Variants in SPAG16 observed in about 807,000 individuals in gnomAD.
SPAG16 encodes the protein sperm-associated antigen 16 protein.
SPAG16 carries 86 observed loss-of-function variants against 80.4 expected under a neutral mutation model. That is an observed-to-expected ratio of 1.07 (90% CI 0.90 to 1.28). The LOEUF is 1.28. Among genes scored for constraint, SPAG16 ranks in the 50% most tolerant of loss-of-function variants. The pLI is 0.00. For missense variants in SPAG16, 870 were observed against 765.3 expected, an observed-to-expected ratio of 1.14 and a Z score of -1.61; for synonymous variants, 294 against 265.9, an observed-to-expected ratio of 1.11 and a Z score of -1.03.
chr2:213,412,182 A>G (rs1172685332), intron 9 of SPAG16, among the ~76,000 whole-genome samples: 3 of 152,030 alleles, frequency 2.0e-5, no homozygotes, highest in African/African-American at 4.8e-5. Context: ...AACTCATTCC[A>G]ATTACCTGCT....
At chr2:213,791,714 A>G (rs1340141262) in intron 10 of SPAG16, among the ~76,000 whole-genome samples, 1 of 152,122 alleles carries the variant, frequency 6.6e-6, no homozygotes, top group Admixed American at 6.6e-5. Context: ...GTTTTCTAAA[A>G]TATATTCTTC....
intron 12 of SPAG16, among the ~76,000 whole-genome samples, chr2:214,005,464 G>A (rs572141114): frequency 6.6e-6 from 1 of 152,278 alleles, no homozygotes; most frequent in Admixed American, 6.5e-5. Flanking sequence ...TTATCATCGA[G>A]GGTTTTGGCC....
intron 7 of SPAG16, among the ~76,000 whole-genome samples, chr2:213,352,459 C>G (rs534226885): frequency 6.6e-6 from 1 of 152,112 alleles, no homozygotes; most frequent in East Asian, 1.9e-4. Context: ...TAAGCTTTTG[C>G]TACCCATCTT....
At chr2:213,909,863 G>C (rs2077587710) in intron 11 of SPAG16, among the ~76,000 whole-genome samples, 1 of 152,056 alleles carries the variant, frequency 6.6e-6, no homozygotes, top group South Asian at 2.1e-4. Context: ...CAAGGCTAAG[G>C]GTTTAAAGAA....
intron 10 of SPAG16, among the ~76,000 whole-genome samples, chr2:213,839,690 G>T (rs115909964): frequency 1.3e-5 from 2 of 152,128 alleles, no homozygotes; most frequent in Non-Finnish European, 2.9e-5. Flanking sequence ...TGACATTATT[G>T]TTGTACAGCA....
intron 10 of SPAG16, among the ~76,000 whole-genome samples, chr2:213,577,718 G>C (rs1286762503): frequency 6.6e-6 from 1 of 152,030 alleles, no homozygotes; most frequent in African/African-American, 2.4e-5. Context: ...TCAAGGTAAG[G>C]CAAGAAACAG....
chr2:214,216,988 A>AATCT (rs2058447697), intron 15 of SPAG16, among the ~76,000 whole-genome samples: 1 of 152,228 alleles, frequency 6.6e-6, no homozygotes, highest in African/African-American at 2.4e-5. Flanking sequence ...TAATTTTTAC[A>AATCT]ATCTTTTTTT....
At chr2:213,904,256 C>T (rs1200781558) in intron 11 of SPAG16, among the ~76,000 whole-genome samples, 1 of 152,120 alleles carries the variant, frequency 6.6e-6, no homozygotes, top group Non-Finnish European at 1.5e-5. Context: ...CTGATAAAGA[C>T]ATACTGGAGA....
At chr2:214,154,409 C>T (rs1254050264) in intron 15 of SPAG16, among the ~76,000 whole-genome samples, 5 of 151,934 alleles carry the variant, frequency 3.3e-5, no homozygotes, top group Non-Finnish European at 7.4e-5. Flanking sequence ...CAAAGTTTCC[C>T]AACATTATGT....
At chr2:213,434,746 C>T (rs1423899962) in intron 9 of SPAG16, among the ~76,000 whole-genome samples, 1 of 152,166 alleles carries the variant, frequency 6.6e-6, no homozygotes, top group Non-Finnish European at 1.5e-5. Flanking sequence ...ATTAAAACCA[C>T]AATGATATGT....
At chr2:214,005,582 T>A (rs905317888) in intron 12 of SPAG16, among the ~76,000 whole-genome samples, 4 of 152,180 alleles carry the variant, frequency 2.6e-5, no homozygotes, top group Non-Finnish European at 4.4e-5. Context: ...AATCTTATGG[T>A]AGAGCTTGCG....
chr2:213,335,057 T>C (rs1400203807), intron 5 of SPAG16, among the ~76,000 whole-genome samples: 2 of 152,160 alleles, frequency 1.3e-5, no homozygotes, highest in Admixed American at 6.5e-5. Flanking sequence ...ACTCCATGAA[T>C]ATATACATCT....
chr2:214,148,197 T>A (rs1232247187), intron 14 of SPAG16, among the ~76,000 whole-genome samples: 1 of 152,112 alleles, frequency 6.6e-6, no homozygotes, highest in Non-Finnish European at 1.5e-5. Flanking sequence ...TGAGAATGAG[T>A]GAAGACTATG....
intron 12 of SPAG16, among the ~76,000 whole-genome samples, chr2:213,945,243 G>A (rs962491679): frequency 6.8e-6 from 1 of 146,798 alleles, no homozygotes; most frequent in Non-Finnish European, 1.5e-5. Context: ...ATATATATGT[G>A]TATATATACA....
chr2:214,159,109 A>G (rs2056336627), intron 15 of SPAG16, among the ~76,000 whole-genome samples: 1 of 151,988 alleles, frequency 6.6e-6, no homozygotes, highest in African/African-American at 2.4e-5. Flanking sequence ...CTATGCTGGT[A>G]TGTTTGCAGA....
chr2:213,910,784 G>A (rs201269343), intron 11 of SPAG16, among the ~76,000 whole-genome samples: 1 of 29,690 alleles, frequency 3.4e-5, no homozygotes, highest in African/African-American at 5.9e-5. Context: ...CACCACGCCC[G>A]GCCAAGAATT....
At chr2:213,615,784 AC>A (rs955016521) in intron 10 of SPAG16, among the ~76,000 whole-genome samples, 1 of 152,210 alleles carries the variant, frequency 6.6e-6, no homozygotes, top group African/African-American at 2.4e-5. Context: ...AGAATGCAGG[AC>A]CAGCCTATAA....
At chr2:214,252,282 C>T (rs1438142409) in intron 15 of SPAG16, among the ~76,000 whole-genome samples, 1 of 151,382 alleles carries the variant, frequency 6.6e-6, no homozygotes, top group African/African-American at 2.4e-5. Context: ...GTAGCTCTAA[C>T]TTTGTTTTTT....
At chr2:213,996,762 G>A (rs1406090504) in intron 12 of SPAG16, among the ~76,000 whole-genome samples, 1 of 151,902 alleles carries the variant, frequency 6.6e-6, no homozygotes, top group Non-Finnish European at 1.5e-5. Flanking sequence ...TAGAGACGGG[G>A]TTTCACCATG....
Sources: allele counts gnomAD v4.1 joint callset (sites outside exome capture counted in the v4.1 genomes callset), GRCh38; gene constraint gnomAD v4.1.1; transcripts MANE v1.5; gene names NCBI Gene and HGNC (gene_info 2026-07-23, HGNC 2026-07-21).